The following LNX1 variants were observed in gnomAD, a reference collection of about 807,000 sequenced individuals.
LNX1 encodes the protein ligand of numb-protein X 1.
Under a neutral mutation model 68.4 loss-of-function variants are expected in LNX1, and 54 were observed. The observed-to-expected ratio is 0.79, with a 90% confidence interval of 0.63 to 0.99. LNX1 has a LOEUF of 0.99. LNX1 is among the 50% of genes least tolerant of loss of function. The pLI, the probability that LNX1 is intolerant of heterozygous loss-of-function variation, is 0.00. For missense variants in LNX1, 906 were observed against 926.4 expected (o/e 0.98, Z 0.29); for synonymous variants, 336 against 350.0 (o/e 0.96, Z 0.45).
chr4:53,474,078 G>A (rs1723408591), intron 9 of LNX1, among the ~76,000 whole-genome samples: 1 of 152,238 alleles, frequency 6.6e-6, no homozygotes, highest in South Asian at 2.1e-4. Flanking sequence ...TAGGAATGAA[G>A]TGATACAATA....
chr4:53,550,129 A>G (rs1729402969), intron 2 of LNX1, among the ~76,000 whole-genome samples: 1 of 152,262 alleles, frequency 6.6e-6, no homozygotes, highest in African/African-American at 2.4e-5. Context: ...TCAAAGAATC[A>G]TTACAAAACA....
At chr4:53,627,817 T>G (rs539160415) in intron 1 of LNX1, among the ~76,000 whole-genome samples, 1 of 152,300 alleles carries the variant, frequency 6.6e-6, no homozygotes, top group African/African-American at 2.4e-5. Context: ...GTGCTTGAGT[T>G]AGAGCAGAAA....
chr4:53,547,583 A>T, intron 2 of LNX1, among the ~76,000 whole-genome samples: 1 of 151,808 alleles, frequency 6.6e-6, no homozygotes, highest in East Asian at 1.9e-4. Context: ...GGGGTCCCTG[A>T]CCTCTCCCTC....
intron 2 of LNX1, chr4:53,522,959 C>G (rs1310666821): frequency 7.9e-5 from 12 of 152,184 alleles, no homozygotes; most frequent in African/African-American, 2.9e-4. Flanking sequence ...ATTCTGCTAT[C>G]AATTATTAAC....
At chr4:53,575,010 C>A (rs1195143792) in intron 1 of LNX1, among the ~76,000 whole-genome samples, 2 of 150,898 alleles carry the variant, frequency 1.3e-5, no homozygotes, top group Non-Finnish European at 2.9e-5. Flanking sequence ...TAGACGGAGT[C>A]TTGCTCTGTT....
At chr4:53,535,110 G>A (rs1305128104) in intron 2 of LNX1, among the ~76,000 whole-genome samples, 2 of 151,944 alleles carry the variant, frequency 1.3e-5, no homozygotes, top group Non-Finnish European at 2.9e-5. Flanking sequence ...TAGCACCAAT[G>A]TTTTCTCTCT....
At chr4:53,595,647 C>T (rs755184266), upstream of LNX1, among the ~76,000 whole-genome samples, 5 of 152,270 alleles carry the variant, frequency 3.3e-5, no homozygotes, top group East Asian at 7.7e-4. Flanking sequence ...TGGGCCTGTC[C>T]TAGTTAACCA....
At chr4:53,637,813 A>C (rs1734538058) in intron 1 of LNX1, among the ~76,000 whole-genome samples, 1 of 152,180 alleles carries the variant, frequency 6.6e-6, no homozygotes, top group Non-Finnish European at 1.5e-5. Flanking sequence ...CAGATGAGGA[A>C]ATTTCTGCTG....
At chr4:53,645,079 G>A (rs2616389) in intron 1 of LNX1, among the ~76,000 whole-genome samples, 125,037 of 152,164 alleles carry the variant, frequency 0.82, 51,838 homozygotes, top group African/African-American at 0.94. Flanking sequence ...GCCAGGCAGT[G>A]TCCACGCCAA....
In LNX1 at chr4:53,534,084, A is replaced by G. The variant is rs566181260; in HGVS notation, c.381-25857T>C. ...TGTATCCAAGTAAGACTTGTGGAAG[A>G]CTTTCATAATAGGACCTATCAGAAA... On this transcript the variant is annotated intron_variant, in intron 2 of 10. Coordinates refer to ENST00000263925, the MANE Select transcript of LNX1 (RefSeq NM_001126328.3). 4.6e-5 allele frequency among the ~76,000 whole-genome samples: 7 copies of G among 152,324 alleles called. No homozygotes were observed. The South Asian group carries it at 1.5e-3, about 32-fold the overall frequency.
At chr4:53,617,422 A>C (rs1159030147) in exon 1 of LNX1, 7 of 152,230 alleles carry the variant, frequency 4.6e-5, no homozygotes, top group Non-Finnish European at 5.9e-5. Context: ...TTGGGATTTA[A>C]GATGATCAAA....
intron 2 of LNX1, among the ~76,000 whole-genome samples, chr4:53,560,571 G>A (rs967394651): frequency 2.0e-5 from 3 of 152,138 alleles, no homozygotes; most frequent in African/African-American, 7.2e-5. Context: ...ACTGGGTAAG[G>A]CATCTCAGAA....
intron 6 of LNX1, among the ~76,000 whole-genome samples, chr4:53,486,720 G>A (rs760304041): frequency 1.1e-4 from 17 of 152,162 alleles, no homozygotes; most frequent in Non-Finnish European, 8.8e-5. Flanking sequence ...ACTAAGTAGC[G>A]TCTGTATGGA....
At chr4:53,487,076 T>C (rs12508701) in intron 6 of LNX1, among the ~76,000 whole-genome samples, 57,139 of 152,152 alleles carry the variant, frequency 0.38, 11,135 homozygotes, top group South Asian at 0.59. Context: ...AAATCCACTA[T>C]GGCTGATGAA....
chr4:53,611,397 A>G (rs955927590), intron 2 of LNX1, among the ~76,000 whole-genome samples: 31 of 152,292 alleles, frequency 2.0e-4, no homozygotes, highest in African/African-American at 7.5e-4. Flanking sequence ...TAAATTCTAC[A>G]AATTGATTAT....
At chr4:53,547,124 G>A (rs1488979923) in intron 2 of LNX1, among the ~76,000 whole-genome samples, 2 of 152,176 alleles carry the variant, frequency 1.3e-5, no homozygotes, top group Non-Finnish European at 2.9e-5. Flanking sequence ...CGAAGACTAT[G>A]TCTATTGTGA....
At chr4:53,609,187 G>T (rs193132847) in intron 2 of LNX1, among the ~76,000 whole-genome samples, 4 of 151,776 alleles carry the variant, frequency 2.6e-5, no homozygotes, top group Admixed American at 2.6e-4. Context: ...TTACCTGGCT[G>T]GAAAAATCAT....
rs1732500893 is a variant in LNX1, at chr4:53,591,449, T to C, written c.-148A>G. The C allele has an allele frequency of 4.1e-6, 4 of 985,752 alleles. 1 individual carries two copies. In the Middle Eastern group the frequency reaches 1.6e-3, roughly 385 times the overall value. The allele number at this position is 985,752 out of a possible 1,614,324, so 61.1% of individuals were successfully genotyped here. A position where few individuals can be genotyped will look rare whatever the true frequency, so the allele number is the denominator to read the frequency against. The stretch of plus-strand genomic sequence containing the variant: ...GCAGGCAGGCAGCTCTCATTCCTTG[T>C]GGGTGAACCGAGCAGCTCCTTGGGC... On this transcript the variant is annotated 5_prime_UTR_variant, in exon 1 of 11. Transcript: ENST00000263925.
intron 2 of LNX1, among the ~76,000 whole-genome samples, chr4:53,514,051 A>T (rs1437664534): frequency 6.6e-6 from 1 of 152,024 alleles, no homozygotes; most frequent in African/African-American, 2.4e-5. Flanking sequence ...CCAGATTCCC[A>T]TCCAGTTTGT....
Sources: allele counts gnomAD v4.1 joint callset (sites outside exome capture counted in the v4.1 genomes callset), GRCh38; gene constraint gnomAD v4.1.1; transcripts MANE v1.5; gene names NCBI Gene and HGNC (gene_info 2026-07-23, HGNC 2026-07-21).